The following PCGF6 variants were observed in gnomAD, a reference collection of about 807,000 sequenced individuals.
The protein encoded by PCGF6 is polycomb group ring finger 6.
PCGF6 carries 24 observed loss-of-function variants against 45.5 expected under a neutral mutation model. That is an observed-to-expected ratio of 0.53 (90% CI 0.38 to 0.74). The LOEUF is 0.74. Among genes scored for constraint, PCGF6 ranks in the 30% least tolerant of loss-of-function variants. PCGF6 has a pLI of 0.00. For synonymous variants in PCGF6, 152 were observed against 162.1 expected (o/e 0.94, Z 0.47); for missense variants, 356 against 443.2 (o/e 0.80, Z 1.77).
intron 6 of PCGF6, among the ~76,000 whole-genome samples, chr10:103,341,228 T>TCAAAAA (rs1366497645): frequency 1.3e-5 from 2 of 149,860 alleles, no homozygotes; most frequent in Admixed American, 6.6e-5. Context: ...AAACTCCGTC[T>TCAAAAA]CAAAAACAAA....
chr10:103,311,519 T>C (rs915924226), intron 9 of PCGF6, among the ~76,000 whole-genome samples: 10 of 149,284 alleles, frequency 6.7e-5, no homozygotes, highest in South Asian at 4.3e-4. Context: ...CATGGGTCAT[T>C]GCAGCTGCGA....
At chr10:103,304,382 C>T (rs1303119074) in intron 9 of PCGF6, among the ~76,000 whole-genome samples, 1 of 152,154 alleles carries the variant, frequency 6.6e-6, no homozygotes, top group Non-Finnish European at 1.5e-5. Context: ...GCTCTGTTGC[C>T]CAGGCTGGAG....
At chr10:103,325,456 T>C (rs1218639104) in intron 8 of PCGF6, among the ~76,000 whole-genome samples, 6 of 152,176 alleles carry the variant, frequency 3.9e-5, no homozygotes, top group Admixed American at 2.0e-4. Flanking sequence ...GGTTTCACCA[T>C]GTTGGTCAGG....
rs560595290 is a variant in PCGF6, at chr10:103,347,836, G to A, written c.558-386C>T. Among the ~76,000 whole-genome samples the A allele has an allele frequency of 2.4e-4, 37 of 152,236 alleles. No homozygotes were observed. The South Asian group carries it at 7.3e-3, about 30-fold the overall frequency. The stretch of plus-strand genomic sequence containing the variant: ...CTCCTTAATAGCTGGGACTAAAGGC[G>A]CGTGACACCACGCCTGGTTAATTTG... On this transcript the variant is annotated intron_variant, in intron 3 of 9. Coordinates refer to ENST00000369847, the MANE Select transcript of PCGF6 (RefSeq NM_001011663.2).
chr10:103,321,456 G>A (rs1008685593), intron 8 of PCGF6, among the ~76,000 whole-genome samples: 2 of 152,164 alleles, frequency 1.3e-5, no homozygotes, highest in Admixed American at 1.3e-4. Context: ...GCTCATGCCT[G>A]TAATCCCAGC....
intron 8 of PCGF6, among the ~76,000 whole-genome samples, chr10:103,314,765 C>A (rs964607100): frequency 3.9e-5 from 6 of 151,960 alleles, no homozygotes; most frequent in African/African-American, 1.4e-4. Context: ...GCCTGGCCAA[C>A]ATGGTGAAAC....
At chr10:103,344,566 C>T (rs1276670062) in intron 6 of PCGF6, among the ~76,000 whole-genome samples, 1 of 151,222 alleles carries the variant, frequency 6.6e-6, no homozygotes, top group Non-Finnish European at 1.5e-5. Flanking sequence ...CCATGCCCAG[C>T]CTTTTTTTTT....
intron 8 of PCGF6, among the ~76,000 whole-genome samples, chr10:103,322,069 T>C (rs2093199587): frequency 6.6e-6 from 1 of 151,960 alleles, no homozygotes. Context: ...CTAATGTTTG[T>C]ATTTTTACTA....
At chr10:103,309,084 T>C (rs891786619) in intron 9 of PCGF6, among the ~76,000 whole-genome samples, 10 of 152,096 alleles carry the variant, frequency 6.6e-5, no homozygotes, top group African/African-American at 2.4e-4. Flanking sequence ...GGACTAGCCT[T>C]GTCTCAGATG....
chr10:103,337,405 A>C (rs1244417475), intron 6 of PCGF6, among the ~76,000 whole-genome samples: 2 of 152,150 alleles, frequency 1.3e-5, no homozygotes, highest in African/African-American at 4.8e-5. Context: ...TAAGAATATC[A>C]CATGTTGATT....
chr10:103,328,209 T>G (rs569323429), intron 7 of PCGF6, among the ~76,000 whole-genome samples: 100 of 152,224 alleles, frequency 6.6e-4, no homozygotes, highest in African/African-American at 2.2e-3. Flanking sequence ...AAGCACAAAG[T>G]GTTTTTTTAG....
At chr10:103,322,414 CA>C (rs1390492740) in intron 8 of PCGF6, among the ~76,000 whole-genome samples, 2 of 152,018 alleles carry the variant, frequency 1.3e-5, no homozygotes, top group East Asian at 3.9e-4. Flanking sequence ...CTATGTTGCC[CA>C]GGCTGGTCTC....
intron 8 of PCGF6, among the ~76,000 whole-genome samples, chr10:103,314,946 C>G (rs1196433749): frequency 1.0e-5 from 1 of 97,360 alleles, no homozygotes; most frequent in Non-Finnish European, 1.8e-5. Context: ...CAGAGCGAGA[C>G]TCTGTCATAA....
intron 8 of PCGF6, among the ~76,000 whole-genome samples, 193 bp from the exon 9 acceptor site, chr10:103,314,465 T>TCTC (rs2093167796): frequency 1.3e-5 from 2 of 152,162 alleles, no homozygotes; most frequent in Non-Finnish European, 2.9e-5. Context: ...GGAAGAGCAT[T>TCTC]AGAGGATACA....
At chr10:103,316,011 TATAGAGAGAGAGAGAGAGAGAG>T (rs1259172590) in intron 8 of PCGF6, among the ~76,000 whole-genome samples, 4 of 129,790 alleles carry the variant, frequency 3.1e-5, no homozygotes, top group African/African-American at 1.2e-4. Flanking sequence ...TATATATATA[TATAGAGAGAGAGAGAGAGAGAG>T]AGAGAGAGAG....
intron 7 of PCGF6, among the ~76,000 whole-genome samples, chr10:103,331,939 C>T (rs1359182269): frequency 6.6e-6 from 1 of 152,134 alleles, no homozygotes; most frequent in Non-Finnish European, 1.5e-5. Context: ...ACAACAGGCA[C>T]GCGCCACCGC....
At chr10:103,336,760 A>G (rs2093258751) in intron 6 of PCGF6, among the ~76,000 whole-genome samples, 2 of 152,168 alleles carry the variant, frequency 1.3e-5, no homozygotes, top group Admixed American at 6.6e-5. Flanking sequence ...CTGTAATCCT[A>G]GCTACTCGAG....
At chr10:103,349,244 C>T (rs567657924) in intron 1 of PCGF6, among the ~76,000 whole-genome samples, 2 of 151,714 alleles carry the variant, frequency 1.3e-5, no homozygotes, top group African/African-American at 2.4e-5. Context: ...GATGGGGTTT[C>T]ACCATGTTGG....
intron 9 of PCGF6, among the ~76,000 whole-genome samples, chr10:103,310,262 T>C (rs1239667471): frequency 6.7e-6 from 1 of 149,474 alleles, no homozygotes; most frequent in African/African-American, 2.5e-5. Context: ...CAACCATGTC[T>C]TAAAAAAAAA....
Sources: gnomAD v4.1 joint callset for allele counts (sites outside exome capture counted in the v4.1 genomes callset) on GRCh38, gnomAD v4.1.1 for gene constraint, MANE v1.5 for transcripts, NCBI Gene and HGNC (gene_info 2026-07-23, HGNC 2026-07-21) for gene names.